The following GPC6 variants were observed in gnomAD, a reference collection of about 807,000 sequenced individuals.
GPC6 encodes glypican 6.
In GPC6, 14 loss-of-function variants were observed where a neutral mutation model predicts 55.2. The observed-to-expected ratio is 0.25, with a 90% confidence interval of 0.17 to 0.40. The LOEUF (loss-of-function observed/expected upper bound fraction) is 0.40. Ranked by LOEUF, GPC6 falls within the 10% of genes least tolerant of loss-of-function variation. GPC6 has a pLI of 1.00. For missense variants in GPC6, 641 were observed against 708.5 expected (o/e 0.90, Z 1.08); for synonymous variants, 278 against 259.6 (o/e 1.07, Z -0.68).
chr13:93,914,519 T>A (rs560635959), intron 3 of GPC6, among the ~76,000 whole-genome samples: 2 of 152,342 alleles, frequency 1.3e-5, no homozygotes, highest in African/African-American at 4.8e-5. Context: ...GTGGTAGCTA[T>A]TCACCAAGTT....
At chr13:94,135,761 T>C (rs1290740930) in intron 4 of GPC6, among the ~76,000 whole-genome samples, 1 of 152,246 alleles carries the variant, frequency 6.6e-6, no homozygotes, top group Non-Finnish European at 1.5e-5. Context: ...AAGCCCTTGC[T>C]TGCAGCATAG....
At chr13:93,446,556 G>C (rs976451314) in intron 1 of GPC6, among the ~76,000 whole-genome samples, 3 of 152,142 alleles carry the variant, frequency 2.0e-5, no homozygotes, top group African/African-American at 4.8e-5. Context: ...AAAAGCAGCA[G>C]AAGTGGCATG....
intron 1 of GPC6, among the ~76,000 whole-genome samples, chr13:93,504,961 G>A (rs569673570): frequency 6.6e-6 from 1 of 152,112 alleles, no homozygotes; most frequent in African/African-American, 2.4e-5. Flanking sequence ...GTACAAATCT[G>A]TACCTCTTTG....
chr13:94,096,755 A>G (rs928729655), intron 4 of GPC6, among the ~76,000 whole-genome samples: 1 of 152,226 alleles, frequency 6.6e-6, no homozygotes, highest in Non-Finnish European at 1.5e-5. Flanking sequence ...ACCTATATAT[A>G]GCCATGTCTC....
chr13:93,277,291 A>AATCTCCC (rs749390050), intron 1 of GPC6, among the ~76,000 whole-genome samples: 52 of 152,324 alleles, frequency 3.4e-4, no homozygotes, highest in Non-Finnish European at 1.2e-4. Context: ...CAATCAATTT[A>AATCTCCC]ATCTCCCTCT....
At chr13:93,700,723 A>C (rs1032528503) in intron 2 of GPC6, among the ~76,000 whole-genome samples, 1 of 152,102 alleles carries the variant, frequency 6.6e-6, no homozygotes, top group Non-Finnish European at 1.5e-5. Flanking sequence ...GAGTTCAATG[A>C]ATAATTCAAA....
chr13:94,240,993 T>C (rs1891038723), intron 4 of GPC6, among the ~76,000 whole-genome samples: 1 of 152,160 alleles, frequency 6.6e-6, no homozygotes, highest in Non-Finnish European at 1.5e-5. Flanking sequence ...GCTGCATGTT[T>C]GTGTGTCCCC....
At chr13:94,207,751 G>A (rs756588696) in intron 4 of GPC6, among the ~76,000 whole-genome samples, 20 of 152,134 alleles carry the variant, frequency 1.3e-4, no homozygotes, top group Admixed American at 7.2e-4. Context: ...CTGGTGGTTT[G>A]GGTTGGAGTT....
At chr13:93,352,075 A>G (rs1299329166) in intron 1 of GPC6, among the ~76,000 whole-genome samples, 3 of 152,136 alleles carry the variant, frequency 2.0e-5, no homozygotes, top group Non-Finnish European at 4.4e-5. Flanking sequence ...TAATTGGAGG[A>G]TGGGGAAATC....
chr13:94,302,375 G>A (rs1181050700), intron 5 of GPC6, among the ~76,000 whole-genome samples: 1 of 151,982 alleles, frequency 6.6e-6, no homozygotes, highest in Admixed American at 6.5e-5. Context: ...TTTTAATAAG[G>A]GCACTAATCC....
intron 2 of GPC6, among the ~76,000 whole-genome samples, chr13:93,699,253 T>C (rs1236127388): frequency 2.6e-5 from 4 of 152,090 alleles, no homozygotes; most frequent in African/African-American, 9.7e-5. Context: ...CCATGGGTGA[T>C]AAATTTAAAT....
chr13:94,142,636 T>G (rs1887421706), intron 4 of GPC6, among the ~76,000 whole-genome samples: 1 of 152,136 alleles, frequency 6.6e-6, no homozygotes, highest in South Asian at 2.1e-4. Context: ...CAAAACAGCC[T>G]TCTTTGAGTT....
intron 1 of GPC6, among the ~76,000 whole-genome samples, chr13:93,356,786 C>T (rs1053196133): frequency 3.9e-5 from 6 of 152,122 alleles, no homozygotes; most frequent in African/African-American, 1.4e-4. Flanking sequence ...TTTGCAGGAG[C>T]CTTTCAGCTG....
At chr13:94,155,091 A>G (rs1208301795) in intron 4 of GPC6, among the ~76,000 whole-genome samples, 1 of 152,016 alleles carries the variant, frequency 6.6e-6, no homozygotes, top group Admixed American at 6.6e-5. Context: ...AACTACCAAG[A>G]ATTTCCACTC....
intron 2 of GPC6, among the ~76,000 whole-genome samples, chr13:93,692,808 AAC>A (rs1043944797): frequency 2.9e-4 from 44 of 152,250 alleles, no homozygotes; most frequent in Admixed American, 1.7e-3. Flanking sequence ...TATAATCAGT[AAC>A]ACATAAAATT....
intron 4 of GPC6, among the ~76,000 whole-genome samples, chr13:94,249,381 G>A (rs539950973): frequency 5.3e-5 from 8 of 152,120 alleles, no homozygotes; most frequent in Non-Finnish European, 1.2e-4. Context: ...AAAGGGATAG[G>A]TGAGTGAATA....
At chr13:93,270,566 C>T (rs574299665) in intron 1 of GPC6, among the ~76,000 whole-genome samples, 1 of 152,126 alleles carries the variant, frequency 6.6e-6, no homozygotes, top group East Asian at 1.9e-4. Flanking sequence ...ATCCAAAATG[C>T]TTTTGAATTC....
chr13:93,875,116 C>T (rs1002502743), intron 3 of GPC6, among the ~76,000 whole-genome samples: 2 of 151,920 alleles, frequency 1.3e-5, no homozygotes, highest in Admixed American at 6.6e-5. Flanking sequence ...GATTCCAGAG[C>T]GCATCAGAAT....
intron 4 of GPC6, among the ~76,000 whole-genome samples, chr13:94,228,237 A>ATG (rs1890616507): frequency 6.6e-6 from 1 of 152,120 alleles, no homozygotes; most frequent in Non-Finnish European, 1.5e-5. Context: ...CTCTGAGAGA[A>ATG]TGCAGCATTC....
Sources: allele counts gnomAD v4.1 joint callset (sites outside exome capture counted in the v4.1 genomes callset), GRCh38; gene constraint gnomAD v4.1.1; transcripts MANE v1.5; gene names NCBI Gene and HGNC (gene_info 2026-07-23, HGNC 2026-07-21).